Variants in HIBADH observed in about 807,000 individuals in gnomAD.
The protein encoded by HIBADH is 3-hydroxyisobutyrate dehydrogenase, mitochondrial.
In HIBADH, 25 loss-of-function variants were observed where a neutral mutation model predicts 36.1. The ratio of observed to expected loss-of-function variants is 0.69; its 90% CI spans 0.50 to 0.97. The LOEUF (loss-of-function observed/expected upper bound fraction) is 0.97, where lower values mean the gene tolerates loss of function less well. Ranked by LOEUF, HIBADH falls within the 50% of genes least tolerant of loss-of-function variation. HIBADH has a pLI of 0.00. For missense variants in HIBADH, 421 were observed against 418.0 expected (o/e 1.01, Z -0.06); for synonymous variants, 160 against 149.5 (o/e 1.07, Z -0.51).
intron 1 of HIBADH, among the ~76,000 whole-genome samples, chr7:27,658,969 G>T (rs10081338): frequency 0.21 from 31,405 of 151,822 alleles, 3,568 homozygotes; most frequent in Non-Finnish European, 0.27. Flanking sequence ...CAACTTTTAG[G>T]CCCCGGACCA....
intron 2 of HIBADH, among the ~76,000 whole-genome samples, chr7:27,645,771 T>G (rs564991361): frequency 8.5e-5 from 13 of 152,178 alleles, no homozygotes; most frequent in Non-Finnish European, 1.6e-4. Context: ...GGGAGAAATG[T>G]CTATTAAAAT....
intron 5 of HIBADH, among the ~76,000 whole-genome samples, chr7:27,539,119 T>C (rs1784109976): frequency 6.6e-6 from 1 of 152,040 alleles, no homozygotes; most frequent in African/African-American, 2.4e-5. Flanking sequence ...CGGTAGGAAA[T>C]AGGGATCTAT....
chr7:27,602,291 T>G (rs528131115), intron 4 of HIBADH, among the ~76,000 whole-genome samples: 1 of 152,158 alleles, frequency 6.6e-6, no homozygotes, highest in East Asian at 1.9e-4. Flanking sequence ...AATTAATCAG[T>G]TGACTTCTAG....
At chr7:27,625,973 G>A (rs1298056964) in intron 4 of HIBADH, among the ~76,000 whole-genome samples, 1 of 151,908 alleles carries the variant, frequency 6.6e-6, no homozygotes, top group Non-Finnish European at 1.5e-5. Context: ...GTGGTGGCAG[G>A]CGCCTGTAAT....
In HIBADH at chr7:27,557,441, AT is replaced by A. The variant is rs534489226; in HGVS notation, c.485-14342del. On this transcript the variant is annotated intron_variant, in intron 4 of 7. Coordinates refer to ENST00000265395, the MANE Select transcript of HIBADH (RefSeq NM_152740.4). ...ATATTAAACTATATTATATAGTTACATATTGTCTTAGTCTGTTTTGTGCTCC... is the reference window on the plus strand; with the variant it reads ...ATATTAAACTATATTATATAGTTACAATTGTCTTAGTCTGTTTTGTGCTCC... 5.9e-5 allele frequency among the ~76,000 whole-genome samples: 9 copies of A among 152,332 alleles called. No homozygotes were observed. In the East Asian group the frequency reaches 1.7e-3, roughly 29 times the overall value.
At chr7:27,540,793 T>C (rs1327085328) in intron 5 of HIBADH, among the ~76,000 whole-genome samples, 1 of 152,196 alleles carries the variant, frequency 6.6e-6, no homozygotes, top group Non-Finnish European at 1.5e-5. Context: ...ACTCATGTTA[T>C]TCTGGGTGGC....
intron 2 of HIBADH, among the ~76,000 whole-genome samples, chr7:27,649,030 A>T (rs768068291): frequency 4.6e-5 from 7 of 152,208 alleles, no homozygotes; most frequent in Admixed American, 1.3e-4. Flanking sequence ...AGCAGAAGTG[A>T]TGTAACTTGC....
At chr7:27,605,415 C>T (rs958680896) in intron 4 of HIBADH, among the ~76,000 whole-genome samples, 6 of 146,732 alleles carry the variant, frequency 4.1e-5, no homozygotes, top group Non-Finnish European at 8.9e-5. Flanking sequence ...AGAGGTTTCT[C>T]CCTCTTTTTA....
chr7:27,534,674 T>C (rs1451857868), intron 6 of HIBADH, among the ~76,000 whole-genome samples: 2 of 152,038 alleles, frequency 1.3e-5, no homozygotes, highest in South Asian at 2.1e-4. Context: ...TTTCCCATCA[T>C]GGAGCTTCTA....
chr7:27,614,394 A>T (rs1304335746), intron 4 of HIBADH, among the ~76,000 whole-genome samples: 1 of 152,344 alleles, frequency 6.6e-6, no homozygotes, highest in East Asian at 1.9e-4. Flanking sequence ...AACCTGGAGG[A>T]CAGCTTCAGA....
rs567896474 is a variant in HIBADH at position 27,642,805 on chromosome 7, T to C, written c.252+6668A>G. On this transcript the variant is annotated intron_variant, in intron 2 of 7. Coordinates refer to ENST00000265395, the MANE Select transcript of HIBADH (RefSeq NM_152740.4). ...TAGCTGGGACTACAGGCGCCCGCCA[T>C]TACGCCCGGCTAATTTTTTGTATTT... is the stretch of plus-strand genomic sequence containing the variant. Among the ~76,000 whole-genome samples the C allele has an allele frequency of 9.2e-4, 139 of 151,680 alleles. No individual in the cohort carries two copies. In the Middle Eastern group the frequency reaches 0.01, roughly 11 times the overall value.
At chr7:27,611,852 A>G (rs1356289891) in intron 4 of HIBADH, among the ~76,000 whole-genome samples, 2 of 152,160 alleles carry the variant, frequency 1.3e-5, no homozygotes, top group Non-Finnish European at 2.9e-5. Flanking sequence ...GCCCTTACAG[A>G]GCAACTCCTT....
intron 4 of HIBADH, among the ~76,000 whole-genome samples, chr7:27,620,014 A>T (rs746876927): frequency 3.9e-5 from 6 of 152,170 alleles, no homozygotes; most frequent in Non-Finnish European, 7.4e-5. Context: ...TACACATTTT[A>T]ATCAGACTGT....
At chr7:27,624,607 A>G (rs1349412883) in intron 4 of HIBADH, among the ~76,000 whole-genome samples, 1 of 152,238 alleles carries the variant, frequency 6.6e-6, no homozygotes, top group African/African-American at 2.4e-5. Flanking sequence ...CTTAGCCCTA[A>G]GGTCACTAAT....
intron 2 of HIBADH, among the ~76,000 whole-genome samples, chr7:27,638,392 T>C (rs1189588691): frequency 6.8e-6 from 1 of 147,652 alleles, no homozygotes; most frequent in Non-Finnish European, 1.5e-5. Flanking sequence ...GCTAGCCATA[T>C]GCAAAAAACT....
At chr7:27,539,535 ATC>A (rs749647203) in intron 5 of HIBADH, among the ~76,000 whole-genome samples, 10 of 152,126 alleles carry the variant, frequency 6.6e-5, no homozygotes, top group Non-Finnish European at 1.3e-4. Flanking sequence ...TTGTTTAATC[ATC>A]TCTGTCAGTC....
chr7:27,572,701 A>G (rs1024438878), intron 4 of HIBADH, among the ~76,000 whole-genome samples: 1 of 152,132 alleles, frequency 6.6e-6, no homozygotes, highest in African/African-American at 2.4e-5. Flanking sequence ...AATATCTCAT[A>G]AAAATATTTA....
At chr7:27,571,588 A>G (rs1286444616) in intron 4 of HIBADH, among the ~76,000 whole-genome samples, 2 of 152,270 alleles carry the variant, frequency 1.3e-5, no homozygotes, top group African/African-American at 2.4e-5. Flanking sequence ...AAACATCAGT[A>G]TCTACAGTTC....
chr7:27,650,238 T>TC (rs1360421012), intron 1 of HIBADH, among the ~76,000 whole-genome samples: 6 of 147,992 alleles, frequency 4.1e-5, no homozygotes, highest in Non-Finnish European at 8.9e-5. Flanking sequence ...CTTTTTACCT[T>TC]CCCACTCCCA....
Sources: gnomAD v4.1 joint callset for allele counts (sites outside exome capture counted in the v4.1 genomes callset) on GRCh38, gnomAD v4.1.1 for gene constraint, MANE v1.5 for transcripts, NCBI Gene and HGNC (gene_info 2026-07-23, HGNC 2026-07-21) for gene names.